Variants in KMT5B observed in about 807,000 individuals in gnomAD.
KMT5B encodes the protein lysine methyltransferase 5B.
KMT5B carries 10 observed loss-of-function variants against 83.2 expected under a neutral mutation model. That is an observed-to-expected ratio of 0.12 (90% confidence interval 0.07 to 0.20). The LOEUF is 0.20. Among genes scored for constraint, KMT5B ranks in the 10% least tolerant of loss-of-function variants. KMT5B has a pLI of 1.00. For synonymous variants in KMT5B, 349 were observed against 388.8 expected (o/e 0.90, Z 1.20); for missense variants, 753 against 1,067.2 (o/e 0.71, Z 4.10).
Position 68,171,932 on chromosome 11 carries a change from G to A in KMT5B, c.654-223C>T, listed in dbSNP as rs1855872347. On this transcript the variant is annotated intron_variant, in intron 6 of 10. Coordinates refer to ENST00000304363, the MANE Select transcript of KMT5B (RefSeq NM_017635.5). This position sits in a 1 kb window ranked among gnomAD's most constrained non-coding sequence, Gnocchi z 5.1. ...GTGTACCTATCTTATTCCTGCAAGA[G>A]AATGGAAACTCAACCAGGACAGGGA... is the stretch of plus-strand genomic sequence containing the variant. Among the ~76,000 whole-genome samples the A allele has an allele frequency of 6.6e-6, 1 of 152,130 alleles. No individual in the cohort carries two copies. Among genetic ancestry groups the A allele is most frequent in the Non-Finnish European group, 1.5e-5 (1 of 68,038 alleles).
chr11:68,158,772 G>A lies in KMT5B; in HGVS notation c.1574C>T (p.Ala525Val). The change falls in exon 11 of 11, where the codon GCT becomes GTT. Residue 525 changes from alanine (A) to valine (V), a missense_variant. Transcript: ENST00000304363. ...REHRQNPVRG[A>V]HSQGESSPCT... Reference sequence around the variant, plus strand: ...GGGCGAGCTCTCCCCCTGCGAATGAGCACCTCTCACAGGATTCTGTCTGTG... The same window carrying A: ...GGGCGAGCTCTCCCCCTGCGAATGAACACCTCTCACAGGATTCTGTCTGTG... The A allele has an allele frequency of 6.2e-7, 1 of 1,614,168 alleles. No homozygotes were observed. Among genetic ancestry groups the A allele is most frequent in the African/African-American group, 1.3e-5 (1 of 75,042 alleles).
In KMT5B at chr11:68,157,838, T is replaced by C. The variant is rs774111656; in HGVS notation, c.2508A>G (p.Glu836=). 1.2e-5 allele frequency: 19 copies of C among 1,614,080 alleles called. No homozygotes were observed. The highest frequency in any genetic ancestry group is 3.3e-5 in the Admixed American group (2 of 60,014). Residue 836 remains glutamate, a synonymous_variant, in exon 11 of 11, where the codon GAA becomes GAG. Transcript: ENST00000304363. ...TDDSSSSEGD[E]EEDDYDDDFE... Reference sequence around the variant, plus strand: ...AGTCATCATCATAGTCATCCTCCTCTTCATCGCCCTCAGAAGAGGAGGAAT... The same window carrying C: ...AGTCATCATCATAGTCATCCTCCTCCTCATCGCCCTCAGAAGAGGAGGAAT...
intron 1 of KMT5B, among the ~76,000 whole-genome samples, chr11:68,199,463 G>A (rs1031511881): frequency 5.9e-5 from 9 of 152,140 alleles, no homozygotes; most frequent in Admixed American, 6.5e-5. Context: ...AGAGGCTGGC[G>A]TGGCTGGGGC....
intron 1 of KMT5B, among the ~76,000 whole-genome samples, chr11:68,193,800 CTTTT>C (rs35179552): frequency 1.4e-5 from 2 of 140,078 alleles, no homozygotes; most frequent in Non-Finnish European, 3.1e-5. Context: ...CAGCAGTATA[CTTTT>C]TTTTTTTTTT....
chr11:68,168,438 C>T (rs983306799), intron 9 of KMT5B, among the ~76,000 whole-genome samples: 5 of 151,612 alleles, frequency 3.3e-5, no homozygotes, highest in East Asian at 3.9e-4. Flanking sequence ...TGGGTGCAAG[C>T]GATTCTCCTG....
intron 1 of KMT5B, among the ~76,000 whole-genome samples, chr11:68,206,201 T>G (rs1310811130): frequency 6.6e-6 from 1 of 152,192 alleles, no homozygotes; most frequent in Non-Finnish European, 1.5e-5. Context: ...CTCTCCACAT[T>G]TGATCCATCT....
At chr11:68,209,661 G>A (rs1215915184) in intron 1 of KMT5B, among the ~76,000 whole-genome samples, 1 of 152,156 alleles carries the variant, frequency 6.6e-6, no homozygotes, top group Non-Finnish European at 1.5e-5. Flanking sequence ...AGGTGAAACA[G>A]GTATTAGCAC....
At position 68,157,572 on chromosome 11, in the gene KMT5B, C is replaced by T. The variant is rs761277610; in HGVS notation, c.*116G>A. 1.4e-5 allele frequency: 19 copies of T among 1,403,992 alleles called. No individual in the cohort carries two copies. Among genetic ancestry groups the T allele is most frequent in the Admixed American group, 2.7e-5 (1 of 37,006 alleles). The allele number at this position is 1,403,992 out of a possible 1,614,324, so 87.0% of individuals were successfully genotyped here. ...GCTGTACACTTTCTACAATAGTATG[C>T]TGATAAGTGAAGGGACAATAGAAGT... On this transcript the variant is annotated 3_prime_UTR_variant, in exon 11 of 11. Coordinates refer to ENST00000304363, the MANE Select transcript of KMT5B (RefSeq NM_017635.5).
intron 10 of KMT5B, among the ~76,000 whole-genome samples, chr11:68,161,857 A>G (rs1323321023): frequency 6.6e-6 from 1 of 152,162 alleles, no homozygotes; most frequent in African/African-American, 2.4e-5. Flanking sequence ...ACAGGCTGAC[A>G]GTTCCCGAAC....
intron 1 of KMT5B, among the ~76,000 whole-genome samples, chr11:68,198,957 C>T (rs1471382005): frequency 1.3e-5 from 2 of 152,234 alleles, no homozygotes; most frequent in African/African-American, 4.8e-5. Flanking sequence ...TCTCAATCTC[C>T]TGACCTTGTG....
intron 1 of KMT5B, among the ~76,000 whole-genome samples, chr11:68,198,474 AG>A (rs1859005072): frequency 4.0e-5 from 5 of 125,846 alleles, no homozygotes; most frequent in Middle Eastern, 7.9e-3. Context: ...AGACAAGACA[AG>A]ACAAGACAAG....
chr11:68,165,827 C>T (rs980498518), intron 10 of KMT5B: 4 of 1,609,838 alleles, frequency 2.5e-6, no homozygotes, highest in East Asian at 4.5e-5. Flanking sequence ...AGGGCTACAG[C>T]GCTGCTTTTA....
rs542847463 is a variant in KMT5B at position 68,170,967 on chromosome 11, G to A, written c.977+48C>T. The stretch of plus-strand genomic sequence containing the variant: ...ATGTGAGTTTAATCCCCATAATCAG[G>A]TTGTTAACAAAAAATGTTTAGGCTG... On this transcript the variant is annotated intron_variant, in intron 9 of 10. Coordinates refer to ENST00000304363, the MANE Select transcript of KMT5B (RefSeq NM_017635.5). 21 of 1,542,420 alleles carry A rather than the reference G, an allele frequency of 1.4e-5. No homozygotes were observed. In the South Asian group the frequency reaches 2.6e-4, roughly 19 times the overall value.
At chr11:68,161,513 C>T (rs138555041) in intron 10 of KMT5B, among the ~76,000 whole-genome samples, 1 of 152,108 alleles carries the variant, frequency 6.6e-6, no homozygotes, top group African/African-American at 2.4e-5. Context: ...ACACTCACAT[C>T]TATGTCATAT....
chr11:68,166,501 A>G (rs1183207682), intron 10 of KMT5B: 3 of 1,003,028 alleles, frequency 3.0e-6, no homozygotes, highest in Non-Finnish European at 3.6e-6. Flanking sequence ...GAACTGAGTC[A>G]GTTCGTTTTG....
At chr11:68,206,962 G>A (rs937105600) in intron 1 of KMT5B, among the ~76,000 whole-genome samples, 5 of 152,128 alleles carry the variant, frequency 3.3e-5, no homozygotes, top group South Asian at 4.2e-4. Flanking sequence ...ATGCCAAGCA[G>A]CAGGGCACAG....
chr11:68,184,832 G>A (rs1353182035), intron 3 of KMT5B, among the ~76,000 whole-genome samples: 1 of 152,202 alleles, frequency 6.6e-6, no homozygotes, highest in Non-Finnish European at 1.5e-5. Flanking sequence ...GGTCTTTTTT[G>A]AGGGAGAAAT....
chr11:68,209,167 G>C (rs1860550665), intron 1 of KMT5B, among the ~76,000 whole-genome samples: 1 of 152,134 alleles, frequency 6.6e-6, no homozygotes, highest in Non-Finnish European at 1.5e-5. Context: ...ACTCCTCAGA[G>C]ACCATTAAAA....
intron 1 of KMT5B, among the ~76,000 whole-genome samples, chr11:68,192,339 A>C (rs75090510): frequency 0.051 from 7,734 of 152,268 alleles, 216 homozygotes; most frequent in African/African-American, 0.06. Flanking sequence ...GGCTCTCCCC[A>C]ATCATATGAT....
Sources: allele counts gnomAD v4.1 joint callset (sites outside exome capture counted in the v4.1 genomes callset), GRCh38; gene constraint gnomAD v4.1.1; non-coding constraint Gnocchi (gnomAD v3.1); transcripts MANE v1.5; gene names NCBI Gene and HGNC (gene_info 2026-07-23, HGNC 2026-07-21).